CDH18: variants seen among roughly 807,000 people sequenced by gnomAD.
The protein encoded by CDH18 is cadherin-18.
Under a neutral mutation model 67.9 loss-of-function variants are expected in CDH18, and 31 were observed. That is an observed-to-expected ratio of 0.46 (90% CI 0.34 to 0.62). The LOEUF (loss-of-function observed/expected upper bound fraction) is 0.62, where lower values mean the gene tolerates loss of function less well. CDH18 is among the 20% of genes least tolerant of loss of function. The probability of loss-of-function intolerance (pLI) is 0.01; values close to 1 mark genes in which losing one functional copy is unlikely to be tolerated. For synonymous variants in CDH18, 362 were observed against 347.2 expected, an observed-to-expected ratio of 1.04 and a Z score of -0.48; for missense variants, 890 against 975.5, an observed-to-expected ratio of 0.91 and a Z score of 1.17.
At chr5:19,787,454 A>G (rs560327108) in intron 3 of CDH18, among the ~76,000 whole-genome samples, 1 of 152,248 alleles carries the variant, frequency 6.6e-6, no homozygotes, top group Non-Finnish European at 1.5e-5. Flanking sequence ...TGTTTCAAAA[A>G]AAAAAAAATT....
chr5:20,478,991 A>G (rs1206434406), intron 1 of CDH18, among the ~76,000 whole-genome samples: 1 of 152,150 alleles, frequency 6.6e-6, no homozygotes, highest in Non-Finnish European at 1.5e-5. Context: ...GATCTCACCC[A>G]AGACCACCAG....
intron 3 of CDH18, among the ~76,000 whole-genome samples, chr5:19,827,921 A>G (rs569910108): frequency 3.3e-5 from 5 of 152,192 alleles, no homozygotes; most frequent in Non-Finnish European, 7.3e-5. Context: ...ACAAAACATC[A>G]GCATATCCAG....
chr5:19,822,493 A>G (rs987324356), intron 3 of CDH18, among the ~76,000 whole-genome samples: 1 of 152,140 alleles, frequency 6.6e-6, no homozygotes, highest in Non-Finnish European at 1.5e-5. Flanking sequence ...AGCCAGTTTG[A>G]GAAATAAAGG....
At chr5:19,826,108 T>C (rs1184474138) in intron 3 of CDH18, among the ~76,000 whole-genome samples, 5 of 143,336 alleles carry the variant, frequency 3.5e-5, no homozygotes, top group African/African-American at 1.3e-4. Context: ...AACAGCAAAA[T>C]TGACCAAGCT....
chr5:20,390,036 T>G (rs1031779162), intron 1 of CDH18, among the ~76,000 whole-genome samples: 7 of 152,182 alleles, frequency 4.6e-5, no homozygotes, highest in Admixed American at 6.5e-5. Flanking sequence ...ATAAAAACCC[T>G]AGAAGAAAAC....
chr5:20,419,734 C>G (rs1011554549), intron 1 of CDH18, among the ~76,000 whole-genome samples: 1 of 150,770 alleles, frequency 6.6e-6, no homozygotes, highest in South Asian at 2.1e-4. Context: ...GCCTCGGCCT[C>G]CCAAAGTTCT....
At chr5:20,364,281 A>C (rs1742333532) in intron 1 of CDH18, among the ~76,000 whole-genome samples, 1 of 152,132 alleles carries the variant, frequency 6.6e-6, no homozygotes, top group African/African-American at 2.4e-5. Flanking sequence ...ACACACACAC[A>C]CACAATTGAA....
intron 2 of CDH18, among the ~76,000 whole-genome samples, chr5:20,201,405 T>C (rs556914188): frequency 6.6e-6 from 1 of 152,302 alleles, no homozygotes; most frequent in South Asian, 2.1e-4. Context: ...GGTAACTTTT[T>C]GCCAGACACA....
chr5:20,159,241 A>T (rs1485761490), intron 2 of CDH18, among the ~76,000 whole-genome samples: 1 of 152,184 alleles, frequency 6.6e-6, no homozygotes. Flanking sequence ...CTAATGTCTA[A>T]AAAGAAATGA....
chr5:19,542,946 T>G (rs1750507562), intron 9 of CDH18, among the ~76,000 whole-genome samples: 1 of 152,270 alleles, frequency 6.6e-6, no homozygotes, highest in African/African-American at 2.4e-5. Flanking sequence ...GTTAAAATTT[T>G]TAATGTTTTA....
chr5:19,516,102 A>G (rs992508329), intron 10 of CDH18, among the ~76,000 whole-genome samples: 6 of 152,094 alleles, frequency 3.9e-5, no homozygotes, highest in Non-Finnish European at 8.8e-5. Flanking sequence ...ATCTATCGAG[A>G]TAATTATGTG....
chr5:19,786,920 T>C (rs946330962), intron 3 of CDH18, among the ~76,000 whole-genome samples: 1 of 152,108 alleles, frequency 6.6e-6, no homozygotes, highest in African/African-American at 2.4e-5. Context: ...TTGGCAGTAT[T>C]GCTAACCTCT....
chr5:19,974,750 A>G (rs772479321), intron 2 of CDH18, among the ~76,000 whole-genome samples: 7 of 152,048 alleles, frequency 4.6e-5, no homozygotes, highest in Non-Finnish European at 1.0e-4. Context: ...GATTGGTGGA[A>G]GTGAGCTTGT....
intron 2 of CDH18, among the ~76,000 whole-genome samples, chr5:20,010,161 T>G (rs1218367975): frequency 7.0e-6 from 1 of 143,834 alleles, no homozygotes; most frequent in Non-Finnish European, 1.5e-5. Context: ...TGGAAAGTGG[T>G]GTGTGTGTGT....
chr5:20,481,839 T>C (rs1752830567), intron 1 of CDH18, among the ~76,000 whole-genome samples: 2 of 151,918 alleles, frequency 1.3e-5, no homozygotes, highest in African/African-American at 4.8e-5. Flanking sequence ...TAAGCACCTA[T>C]GTCAAAACAG....
intron 2 of CDH18, among the ~76,000 whole-genome samples, chr5:20,030,970 G>A (rs972416885): frequency 1.2e-4 from 18 of 152,074 alleles, no homozygotes; most frequent in African/African-American, 4.1e-4. Context: ...GTAAAAAATT[G>A]ACACTGGGCT....
At chr5:19,697,671 G>A (rs896813878) in intron 5 of CDH18, among the ~76,000 whole-genome samples, 1 of 152,114 alleles carries the variant, frequency 6.6e-6, no homozygotes, top group African/African-American at 2.4e-5. Context: ...AATATGAGAA[G>A]GAAAGTTTAA....
chr5:19,993,122 T>C (rs1800074692), upstream of CDH18, among the ~76,000 whole-genome samples: 1 of 152,186 alleles, frequency 6.6e-6, no homozygotes, highest in African/African-American at 2.4e-5. Flanking sequence ...ACTACAAATT[T>C]CATAAAGGAT....
chr5:19,796,015 C>A (rs1263214306), intron 3 of CDH18, among the ~76,000 whole-genome samples: 1 of 151,926 alleles, frequency 6.6e-6, no homozygotes, highest in Non-Finnish European at 1.5e-5. Context: ...AACTTGAGAA[C>A]AGAACAATAA....
Sources: gnomAD v4.1 joint callset for allele counts (sites outside exome capture counted in the v4.1 genomes callset) on GRCh38, gnomAD v4.1.1 for gene constraint, MANE v1.5 for transcripts, NCBI Gene and HGNC (gene_info 2026-07-23, HGNC 2026-07-21) for gene names.